Variants in FARS2 observed in about 807,000 individuals in gnomAD.
FARS2 encodes the protein phenylalanyl-tRNA synthetase 2, mitochondrial.
FARS2 carries 40 observed loss-of-function variants against 46.4 expected under a neutral mutation model. That is an observed-to-expected ratio of 0.86 (90% confidence interval 0.67 to 1.12). FARS2 has a LOEUF of 1.12. Among genes scored for constraint, FARS2 ranks in the 50% most tolerant of loss-of-function variants. The pLI is 0.00. For missense variants in FARS2, 513 were observed against 567.9 expected (o/e 0.90, Z 0.98); for synonymous variants, 234 against 214.9 (o/e 1.09, Z -0.78).
chr6:5,751,384 C>G (rs1030665346), intron 6 of FARS2, among the ~76,000 whole-genome samples: 1 of 152,162 alleles, frequency 6.6e-6, no homozygotes, highest in African/African-American at 2.4e-5. Context: ...TCTCAGCAAG[C>G]AGTAGACACC....
chr6:5,409,918 CCGTGTTTGT>C (rs1258940237), intron 3 of FARS2, among the ~76,000 whole-genome samples: 3 of 152,090 alleles, frequency 2.0e-5, no homozygotes, highest in Non-Finnish European at 4.4e-5. Context: ...ACCGTGTTTG[CCGTGTTTGT>C]GACGTCCGCT....
intron 1 of FARS2, among the ~76,000 whole-genome samples, chr6:5,271,441 G>C (rs571149943): frequency 2.0e-5 from 3 of 151,994 alleles, no homozygotes; most frequent in African/African-American, 7.3e-5. Flanking sequence ...GAGATAAAGG[G>C]GAATTATTTT....
In FARS2 at chr6:5,726,490, C is replaced by T. The variant is rs144272689; in HGVS notation, c.1218-44801C>T. On this transcript the variant is annotated intron_variant, in intron 6 of 6. Transcript: ENST00000274680. ...ATGTAAAAACATGGTTGCACATGAG[C>T]CAGGGCCGTAAAGAAACACAGATAA... Among the ~76,000 whole-genome samples, 644 of 152,308 alleles carry T rather than the reference C, an allele frequency of 4.2e-3. 6 individuals are homozygous for T. Among genetic ancestry groups the T allele is most frequent in the African/African-American group, 0.014 (591 of 41,558 alleles).
intron 6 of FARS2, among the ~76,000 whole-genome samples, chr6:5,748,720 A>T (rs1761776098): frequency 6.6e-6 from 1 of 152,252 alleles, no homozygotes; most frequent in Non-Finnish European, 1.5e-5. Context: ...AGTTAGTTCA[A>T]CTATTGCCAG....
intron 6 of FARS2, among the ~76,000 whole-genome samples, chr6:5,714,751 G>A (rs753218449): frequency 6.6e-6 from 1 of 152,078 alleles, no homozygotes; most frequent in Non-Finnish European, 1.5e-5. Context: ...CCGGCCAGGC[G>A]CGGTGGCTCA....
rs9328304 is a variant in FARS2, at chr6:5,481,966, G to A, written c.904+50794G>A. Among the ~76,000 whole-genome samples the A allele has an allele frequency of 3.6e-3, 542 of 152,232 alleles. 2 individuals are homozygous for A. Among genetic ancestry groups the A allele is most frequent in the African/African-American group, 0.012 (505 of 41,536 alleles). Reference sequence around the variant, plus strand: ...CGTAAGTTCCTTCTCAGCATGAATCGGTTCATCAGAGGCTTTCTTGAAGGA... The same window carrying A: ...CGTAAGTTCCTTCTCAGCATGAATCAGTTCATCAGAGGCTTTCTTGAAGGA... On this transcript the variant is annotated intron_variant, in intron 4 of 6. Coordinates refer to ENST00000274680, the MANE Select transcript of FARS2 (RefSeq NM_006567.5).
chr6:5,254,497 T>G, the FARS2 span, among the ~76,000 whole-genome samples: 1 of 152,206 alleles, frequency 6.6e-6, no homozygotes, highest in Non-Finnish European at 1.5e-5. Flanking sequence ...AATTTAAAAT[T>G]CATGGCCCAA....
chr6:5,586,125 C>G (rs1582513109), intron 5 of FARS2, among the ~76,000 whole-genome samples: 1 of 152,132 alleles, frequency 6.6e-6, no homozygotes, highest in South Asian at 2.1e-4. Context: ...TTTGGTGACT[C>G]TTTAGAGTTT....
intron 4 of FARS2, among the ~76,000 whole-genome samples, chr6:5,544,910 T>G (rs1770867296): frequency 6.6e-6 from 1 of 152,190 alleles, no homozygotes; most frequent in African/African-American, 2.4e-5. Context: ...CAGGAACCAG[T>G]GCTTCAGAAA....
intron 3 of FARS2, among the ~76,000 whole-genome samples, chr6:5,410,805 G>T (rs1761902954): frequency 6.6e-6 from 1 of 152,066 alleles, no homozygotes; most frequent in Non-Finnish European, 1.5e-5. Flanking sequence ...AATTGTTAGT[G>T]CTACATTCTT....
At chr6:5,566,272 G>A (rs1345056359) in intron 5 of FARS2, among the ~76,000 whole-genome samples, 1 of 152,098 alleles carries the variant, frequency 6.6e-6, no homozygotes, top group Non-Finnish European at 1.5e-5. Flanking sequence ...GTGGTCAAGA[G>A]CATGCTTCTC....
intron 2 of FARS2, among the ~76,000 whole-genome samples, chr6:5,396,739 C>T (rs557118165): frequency 6.6e-6 from 1 of 152,314 alleles, no homozygotes; most frequent in Admixed American, 6.5e-5. Context: ...GCTACAGCTG[C>T]TGTCAGCAGC....
chr6:5,355,632 C>T (rs1757870468), intron 1 of FARS2, among the ~76,000 whole-genome samples: 1 of 152,110 alleles, frequency 6.6e-6, no homozygotes, highest in Non-Finnish European at 1.5e-5. Context: ...GCTGGGATTA[C>T]AGGTGTGAGC....
intron 6 of FARS2, among the ~76,000 whole-genome samples, chr6:5,756,499 AG>A (rs1762211102): frequency 9.7e-6 from 1 of 102,796 alleles, no homozygotes; most frequent in South Asian, 3.0e-4. Flanking sequence ...GCAGAGCAGG[AG>A]AGAGAGAGAG....
intron 4 of FARS2, among the ~76,000 whole-genome samples, chr6:5,493,066 C>T (rs115479804): frequency 0.011 from 1,728 of 152,058 alleles, 36 homozygotes; most frequent in African/African-American, 0.04. Context: ...TAGGAATGAG[C>T]CGCTTATTGG....
At position 5,546,321 on chromosome 6, in the gene FARS2, G is replaced by A. The variant is rs191362685; in HGVS notation, c.1065+981G>A. 3.4e-5 allele frequency among the ~76,000 whole-genome samples: 5 copies of A among 147,874 alleles called. No homozygotes were observed. In the Admixed American group the frequency reaches 3.4e-4, roughly 10 times the overall value. The stretch of plus-strand genomic sequence containing the variant: ...GCCTGGGCTGGAGTGCGCGATCTTG[G>A]CTCACTGCAACCTGCGCCTCCTGGG... On this transcript the variant is annotated intron_variant, in intron 5 of 6. Coordinates refer to ENST00000274680, the MANE Select transcript of FARS2 (RefSeq NM_006567.5).
intron 6 of FARS2, among the ~76,000 whole-genome samples, chr6:5,690,280 T>C (rs1016740817): frequency 2.0e-5 from 3 of 152,232 alleles, no homozygotes; most frequent in African/African-American, 7.2e-5. Context: ...TTGATGCCGT[T>C]TCTTCCTAGC....
At position 5,326,879 on chromosome 6, in the gene FARS2, A is replaced by G. The variant is rs1391475513; in HGVS notation, c.-21-41671A>G. Among the ~76,000 whole-genome samples, 7 of 152,326 alleles carry G rather than the reference A, an allele frequency of 4.6e-5. No homozygotes were observed. In the South Asian group the frequency reaches 1.0e-3, roughly 23 times the overall value. On this transcript the variant is annotated intron_variant, in intron 1 of 6. Transcript: ENST00000274680. ...ACATACACTTAGCATTAATTTACATATAATCCTCAAATAACTTCAAATACT... is the reference window on the plus strand; with the variant it reads ...ACATACACTTAGCATTAATTTACATGTAATCCTCAAATAACTTCAAATACT...
chr6:5,476,312 A>G (rs979321837), intron 4 of FARS2, among the ~76,000 whole-genome samples: 1 of 152,318 alleles, frequency 6.6e-6, no homozygotes, highest in East Asian at 1.9e-4. Flanking sequence ...AGTGGGAAGC[A>G]TACTAATTGA....
Sources: allele counts gnomAD v4.1 joint callset (sites outside exome capture counted in the v4.1 genomes callset), GRCh38; gene constraint gnomAD v4.1.1; transcripts MANE v1.5; gene names NCBI Gene and HGNC (gene_info 2026-07-23, HGNC 2026-07-21).